NPAS3: variants seen among roughly 807,000 people sequenced by gnomAD.
NPAS3 encodes the protein neuronal PAS domain-containing protein 3.
A neutral mutation model predicts 73.1 loss-of-function variants in NPAS3; 14 were observed. The observed-to-expected ratio is 0.19, with a 90% CI of 0.13 to 0.30. The LOEUF (loss-of-function observed/expected upper bound fraction) is 0.30. Among genes scored for constraint, NPAS3 ranks in the 10% least tolerant of loss-of-function variants. The pLI, the probability that NPAS3 is intolerant of heterozygous loss-of-function variation, is 1.00. For synonymous variants in NPAS3, 620 were observed against 541.5 expected (o/e 1.14, Z -2.01); for missense variants, 1,096 against 1,250.0 (o/e 0.88, Z 1.86).
chr14:33,454,608 TGTAA>T (rs2049942875), intron 4 of NPAS3, among the ~76,000 whole-genome samples: 1 of 152,228 alleles, frequency 6.6e-6, no homozygotes, highest in Non-Finnish European at 1.5e-5. Context: ...AGATCATTTT[TGTAA>T]GTAAGTATAG....
At chr14:33,363,188 G>T (rs2045685336) in intron 3 of NPAS3, among the ~76,000 whole-genome samples, 1 of 152,174 alleles carries the variant, frequency 6.6e-6, no homozygotes, top group South Asian at 2.1e-4. Context: ...TCACGTGAGT[G>T]CCTCCCCTGA....
intron 1 of NPAS3, among the ~76,000 whole-genome samples, chr14:32,943,166 A>G (rs1374569685): frequency 6.6e-6 from 1 of 152,076 alleles, no homozygotes; most frequent in Non-Finnish European, 1.5e-5. Context: ...ATTCAACATT[A>G]TTCGATACTT....
At chr14:33,606,849 A>T (rs2057584859) in intron 5 of NPAS3, among the ~76,000 whole-genome samples, 1 of 152,212 alleles carries the variant, frequency 6.6e-6, no homozygotes, top group Non-Finnish European at 1.5e-5. Context: ...CTGACAAAAG[A>T]CTTTATCCTC....
chr14:33,165,723 A>AT (rs1458239580), intron 2 of NPAS3, among the ~76,000 whole-genome samples: 1 of 151,396 alleles, frequency 6.6e-6, no homozygotes, highest in Non-Finnish European at 1.5e-5. Context: ...TTTTAAGCTT[A>AT]ATTGAAGGTA....
At chr14:33,324,548 A>G (rs1250588086) in intron 3 of NPAS3, among the ~76,000 whole-genome samples, 1 of 152,184 alleles carries the variant, frequency 6.6e-6, no homozygotes, top group Non-Finnish European at 1.5e-5. Context: ...AACCTGTTTT[A>G]TTACTGCGAA....
At chr14:33,603,459 C>A (rs757440368) in intron 5 of NPAS3, among the ~76,000 whole-genome samples, 4 of 152,052 alleles carry the variant, frequency 2.6e-5, no homozygotes, top group South Asian at 2.1e-4. Context: ...TGGATTAGAA[C>A]TACAAACCTA....
At chr14:33,708,763 G>T (rs376798585) in intron 6 of NPAS3, among the ~76,000 whole-genome samples, 3 of 152,280 alleles carry the variant, frequency 2.0e-5, no homozygotes, top group African/African-American at 7.2e-5. Context: ...TAAAAATTCA[G>T]TCGAAGCAGG....
At chr14:33,089,178 G>C in intron 2 of NPAS3, among the ~76,000 whole-genome samples, 1 of 152,186 alleles carries the variant, frequency 6.6e-6, no homozygotes, top group Middle Eastern at 3.2e-3. Context: ...AGAGAAGAAG[G>C]CTTCAGACAA....
chr14:33,803,350 ACTGTGTTGAGTAGATTCCT>A (rs1317254248), downstream of NPAS3: 4 of 152,294 alleles, frequency 2.6e-5, no homozygotes, highest in African/African-American at 9.6e-5. Flanking sequence ...TTTGAATATC[ACTGTGTTGAGTAGATTCCT>A]CTAGGACCTT....
At chr14:33,534,751 G>A (rs190674269) in intron 4 of NPAS3, among the ~76,000 whole-genome samples, 12 of 151,644 alleles carry the variant, frequency 7.9e-5, no homozygotes, top group African/African-American at 2.7e-4. Context: ...AGTTTCCACC[G>A]TGACCACACA....
At chr14:33,138,510 G>A (rs1481138830) in intron 2 of NPAS3, among the ~76,000 whole-genome samples, 1 of 152,038 alleles carries the variant, frequency 6.6e-6, no homozygotes. Flanking sequence ...ATTAAGGATG[G>A]AAAAAAAGTA....
chr14:33,046,653 C>A (rs1445485028), intron 1 of NPAS3, among the ~76,000 whole-genome samples: 3 of 152,138 alleles, frequency 2.0e-5, no homozygotes, highest in African/African-American at 7.2e-5. Context: ...TGGGGCTGAT[C>A]TCCAAGGTAC....
intron 2 of NPAS3, among the ~76,000 whole-genome samples, chr14:33,097,428 C>T (rs1224503101): frequency 1.3e-5 from 2 of 152,052 alleles, no homozygotes; most frequent in Non-Finnish European, 2.9e-5. Context: ...GAGAATATAC[C>T]ACAGCTAATC....
chr14:33,636,792 A>G (rs2140160714), intron 5 of NPAS3, among the ~76,000 whole-genome samples: 1 of 152,228 alleles, frequency 6.6e-6, no homozygotes, highest in East Asian at 1.9e-4. Flanking sequence ...TTTCAAAATG[A>G]GACACAACTA....
At chr14:33,599,231 C>T (rs746399784) in intron 5 of NPAS3, among the ~76,000 whole-genome samples, 2 of 152,134 alleles carry the variant, frequency 1.3e-5, no homozygotes, top group Non-Finnish European at 2.9e-5. Flanking sequence ...CCATTTGTTA[C>T]CTGAATTGTT....
At chr14:33,674,855 A>G (rs2059714329) in intron 5 of NPAS3, among the ~76,000 whole-genome samples, 2 of 152,214 alleles carry the variant, frequency 1.3e-5, no homozygotes, top group Non-Finnish European at 2.9e-5. Flanking sequence ...TGTTAATCAA[A>G]TGGAGTCTGG....
At chr14:33,771,748 T>G (rs2062660083) in intron 7 of NPAS3, among the ~76,000 whole-genome samples, 1 of 152,062 alleles carries the variant, frequency 6.6e-6, no homozygotes, top group South Asian at 2.1e-4. Flanking sequence ...GACGCAGAGC[T>G]TGCAGTGAGC....
chr14:33,761,152 C>G (rs977844867), intron 7 of NPAS3, among the ~76,000 whole-genome samples: 3 of 151,570 alleles, frequency 2.0e-5, no homozygotes, highest in African/African-American at 7.3e-5. Flanking sequence ...AGTTGTCTTA[C>G]AAACTTACAA....
chr14:32,990,534 A>C (rs1445118394), intron 1 of NPAS3, among the ~76,000 whole-genome samples: 1 of 152,166 alleles, frequency 6.6e-6, no homozygotes, highest in Non-Finnish European at 1.5e-5. Context: ...TGTTTTAGTA[A>C]TAATGGAAGG....
Sources: allele counts gnomAD v4.1 joint callset (sites outside exome capture counted in the v4.1 genomes callset), GRCh38; gene constraint gnomAD v4.1.1; transcripts MANE v1.5; gene names NCBI Gene and HGNC (gene_info 2026-07-23, HGNC 2026-07-21).